The following PAX5 variants were observed in gnomAD, a reference collection of about 807,000 sequenced individuals.
PAX5 encodes the protein paired box 5, also known as paired box protein Pax-5.
Under a neutral mutation model 43.7 loss-of-function variants are expected in PAX5, and 9 were observed. That is an observed-to-expected ratio of 0.21 (90% confidence interval 0.12 to 0.36). The LOEUF is 0.36. Among genes scored for constraint, PAX5 ranks in the 10% least tolerant of loss-of-function variants. The pLI, the probability that PAX5 is intolerant of heterozygous loss-of-function variation, is 1.00. For missense variants in PAX5, 383 were observed against 532.7 expected, an observed-to-expected ratio of 0.72 and a Z score of 2.77; for synonymous variants, 228 against 214.3, an observed-to-expected ratio of 1.06 and a Z score of -0.56.
intron 8 of PAX5, among the ~76,000 whole-genome samples, chr9:36,857,938 A>G (rs1232861404): frequency 1.3e-5 from 2 of 152,248 alleles, no homozygotes; most frequent in African/African-American, 2.4e-5. Flanking sequence ...TTTTCTGCAC[A>G]GGCATTGAGG....
intron 5 of PAX5, among the ~76,000 whole-genome samples, chr9:36,975,273 G>A (rs1158244078): frequency 6.6e-6 from 1 of 152,184 alleles, no homozygotes; most frequent in African/African-American, 2.4e-5. Flanking sequence ...GTTGGGCACT[G>A]TGGCAGACCT....
intron 3 of PAX5, among the ~76,000 whole-genome samples, chr9:37,012,922 T>C (rs1839071526): frequency 6.6e-6 from 1 of 152,186 alleles, no homozygotes; most frequent in African/African-American, 2.4e-5. Context: ...CTGCAAGGCA[T>C]TTTTAATTGA....
chr9:36,860,639 T>C (rs932380508), intron 8 of PAX5, among the ~76,000 whole-genome samples: 1 of 152,108 alleles, frequency 6.6e-6, no homozygotes, highest in Non-Finnish European at 1.5e-5. Context: ...CACTGATCCT[T>C]GTTAAAGAGT....
intron 1 of PAX5, among the ~76,000 whole-genome samples, chr9:37,027,095 C>A (rs111258566): frequency 0.019 from 2,931 of 152,344 alleles, 39 homozygotes; most frequent in Non-Finnish European, 0.032. Context: ...CAGATCCTTT[C>A]TTTCTCTGCT....
At chr9:37,001,566 C>T (rs1013420785) in intron 5 of PAX5, among the ~76,000 whole-genome samples, 1 of 152,222 alleles carries the variant, frequency 6.6e-6, no homozygotes. Flanking sequence ...TCCCCACACA[C>T]CCCCACGGTT....
At chr9:37,004,720 C>T (rs1177582562) in intron 4 of PAX5, among the ~76,000 whole-genome samples, 1 of 152,188 alleles carries the variant, frequency 6.6e-6, no homozygotes, top group African/African-American at 2.4e-5. Flanking sequence ...AAAGAAGATC[C>T]CAGGTCACTT....
chr9:36,972,757 G>A (rs373990072), intron 5 of PAX5, among the ~76,000 whole-genome samples: 2 of 152,324 alleles, frequency 1.3e-5, no homozygotes, highest in African/African-American at 4.8e-5. Context: ...GCTGGGCACG[G>A]TGGCTTATGC....
intron 6 of PAX5, among the ~76,000 whole-genome samples, chr9:36,963,042 T>G (rs1004384032): frequency 1.3e-5 from 2 of 152,250 alleles, no homozygotes; most frequent in African/African-American, 4.8e-5. Flanking sequence ...TTGTCCAAAG[T>G]GATTGGGAAT....
Position 36,882,763 on chromosome 9 carries a change from T to G in PAX5, c.911-658A>C, listed in dbSNP as rs1826557925. ...CAAACACTGTTCTGGCCCTGGGACA[T>G]GGAGGTTAAGGCCTCAGCCCTCAAG... On this transcript the variant is annotated intron_variant, in intron 7 of 9. Coordinates refer to ENST00000358127, the MANE Select transcript of PAX5 (RefSeq NM_016734.3). This position sits in a 1 kb window ranked among gnomAD's most constrained non-coding sequence, Gnocchi z 4.4. Among the ~76,000 whole-genome samples the G allele has an allele frequency of 6.6e-6, 1 of 152,228 alleles. No homozygotes were observed. Among genetic ancestry groups the G allele is most frequent in the African/African-American group, 2.4e-5 (1 of 41,460 alleles).
chr9:37,017,453 C>A (rs1839478271), intron 2 of PAX5, among the ~76,000 whole-genome samples: 2 of 152,224 alleles, frequency 1.3e-5, no homozygotes, highest in East Asian at 1.9e-4. Flanking sequence ...TGACCCCTTG[C>A]AATTGCAGAG....
chr9:36,952,089 C>T (rs1487228011), intron 6 of PAX5, among the ~76,000 whole-genome samples: 1 of 152,060 alleles, frequency 6.6e-6, no homozygotes, highest in African/African-American at 2.4e-5. Flanking sequence ...ATTGGACAAA[C>T]CTATTTAGAT....
chr9:36,836,811 T>C lies in PAX5; in HGVS notation c.*3749A>G, dbSNP rs2000882. 0.86 allele frequency: 199,789 copies of C among 232,122 alleles called. 88,395 individuals are homozygous for C. Among genetic ancestry groups the C allele is most frequent in the Non-Finnish European group, 0.95 (111,250 of 117,460 alleles). 14.4% of individuals were successfully genotyped at this position (232,122 alleles called of 1,614,324 possible). ...GGGAAGTGGGGGACAGCACATGACC[T>C]TGGCACCTGGACCCCTGGAGTCAGG... On this transcript the variant is annotated 3_prime_UTR_variant, in exon 10 of 10. Coordinates refer to ENST00000358127, the MANE Select transcript of PAX5 (RefSeq NM_016734.3).
chr9:36,922,428 C>T (rs1048294083), intron 7 of PAX5, among the ~76,000 whole-genome samples: 17 of 152,326 alleles, frequency 1.1e-4, no homozygotes, highest in South Asian at 8.3e-4. Flanking sequence ...CTCCTGCCTG[C>T]CCGGTTGGAC....
chr9:36,967,588 G>A (rs917528806), intron 5 of PAX5, among the ~76,000 whole-genome samples: 3 of 152,128 alleles, frequency 2.0e-5, no homozygotes, highest in African/African-American at 7.2e-5. Flanking sequence ...AAAAAACAAG[G>A]TACAGCACAG....
chr9:36,964,984 C>G (rs543207397), intron 6 of PAX5, among the ~76,000 whole-genome samples: 1 of 152,288 alleles, frequency 6.6e-6, no homozygotes, highest in East Asian at 1.9e-4. Flanking sequence ...CTCCATTCCT[C>G]GTTCCTGCCG....
intron 5 of PAX5, among the ~76,000 whole-genome samples, chr9:36,987,958 A>G (rs1836583061): frequency 6.6e-6 from 1 of 152,236 alleles, no homozygotes; most frequent in Non-Finnish European, 1.5e-5. Context: ...TCACGGAACA[A>G]AAGTACTATT....
At chr9:36,969,668 C>A (rs977089276) in intron 5 of PAX5, among the ~76,000 whole-genome samples, 7 of 152,234 alleles carry the variant, frequency 4.6e-5, no homozygotes, top group African/African-American at 1.7e-4. Flanking sequence ...TCAGCCATAG[C>A]CTCTGCCAGC....
chr9:36,953,348 G>A (rs2132120232), intron 6 of PAX5, among the ~76,000 whole-genome samples: 1 of 152,118 alleles, frequency 6.6e-6, no homozygotes, highest in East Asian at 1.9e-4. Flanking sequence ...TAAGTTTTCT[G>A]CATTTTTGGT....
rs1821667575 is a variant in PAX5 at position 36,836,689 on chromosome 9, C to T, written c.*3871G>A. ...GACTTGAGATTGTGATCTGTGTTTC[C>T]AGGGGCTGTGGACACCCTGGTGGCC... is the stretch of plus-strand genomic sequence containing the variant. On this transcript the variant is annotated 3_prime_UTR_variant, in exon 10 of 10. Transcript: ENST00000358127. 4.3e-6 allele frequency: 1 copy of T among 232,032 alleles called. No individual in the cohort carries two copies. The highest frequency in any genetic ancestry group is 2.2e-5 in the African/African-American group (1 of 45,266). The allele number at this position is 232,032 out of a possible 1,614,324, so 14.4% of individuals were successfully genotyped here.
Sources: allele counts gnomAD v4.1 joint callset (sites outside exome capture counted in the v4.1 genomes callset), GRCh38; gene constraint gnomAD v4.1.1; non-coding constraint Gnocchi (gnomAD v3.1); transcripts MANE v1.5; gene names NCBI Gene and HGNC (gene_info 2026-07-23, HGNC 2026-07-21).